Variants in PSMD12 observed in about 807,000 individuals in gnomAD.
PSMD12 encodes the protein proteasome 26S subunit, non-ATPase 12, also known as 26S proteasome non-ATPase regulatory subunit 12.
Under a neutral mutation model 62.9 loss-of-function variants are expected in PSMD12, and 8 were observed. The ratio of observed to expected loss-of-function variants is 0.13; its 90% CI spans 0.07 to 0.23. PSMD12 has a LOEUF of 0.23. Ranked by LOEUF, PSMD12 falls within the 10% of genes least tolerant of loss-of-function variation. PSMD12 has a pLI of 1.00. For synonymous variants in PSMD12, 173 were observed against 187.4 expected (o/e 0.92, Z 0.63); for missense variants, 424 against 550.2 (o/e 0.77, Z 2.29).
chr17:67,351,346 C>T (rs902377719), intron 3 of PSMD12, among the ~76,000 whole-genome samples: 3 of 150,984 alleles, frequency 2.0e-5, no homozygotes, highest in Non-Finnish European at 2.9e-5. Context: ...AAGCCAAGAT[C>T]GCGCCACTGC....
At chr17:67,366,384 C>A in intron 1 of PSMD12, 28 bp downstream of exon 1, 1 of 1,594,390 alleles carries the variant, frequency 6.3e-7, no homozygotes, top group East Asian at 2.3e-5. Context: ...CCCTGGCGCC[C>A]GCCAACAGCC....
intron 1 of PSMD12, among the ~76,000 whole-genome samples, chr17:67,361,904 AAAAAAGGAAG>A (rs1567961742): frequency 5.6e-5 from 5 of 89,590 alleles, no homozygotes; most frequent in Admixed American, 1.2e-4. Flanking sequence ...AAAAAAAAAA[AAAAAAGGAAG>A]GAAGGAAGGG....
intron 1 of PSMD12, 35 bp downstream of exon 1, chr17:67,366,377 T>C (rs1456186494): frequency 1.3e-6 from 2 of 1,584,410 alleles, no homozygotes; most frequent in East Asian, 2.3e-5. Context: ...ACTCAGCCCC[T>C]GGCGCCCGCC....
chr17:67,348,471 G>T, intron 5 of PSMD12, 79 bp downstream of exon 5: 2 of 1,142,572 alleles, frequency 1.8e-6, no homozygotes, highest in Non-Finnish European at 1.3e-6. Context: ...TTTGGATAAG[G>T]GATACTCAAC....
intron 10 of PSMD12, 149 bp downstream of exon 10, chr17:67,342,037 A>G: frequency 1.6e-6 from 1 of 611,974 alleles, no homozygotes; most frequent in Non-Finnish European, 2.9e-6. Context: ...TACTTAAGTT[A>G]GTTTTTGGTA....
At chr17:67,341,586 A>C (rs2041916012) in intron 10 of PSMD12, among the ~76,000 whole-genome samples, 1 of 150,516 alleles carries the variant, frequency 6.6e-6, no homozygotes, top group African/African-American at 2.4e-5. Context: ...GTCAGGGGTG[A>C]GTTTGAATCT....
intron 3 of PSMD12, 100 bp from the exon 4 acceptor site, chr17:67,350,436 A>C: frequency 1.3e-6 from 1 of 774,666 alleles, no homozygotes; most frequent in Non-Finnish European, 1.9e-6. Context: ...TGGTCTTCCC[A>C]AGTAACTCTA....
At chr17:67,353,698 C>G (rs1335382759) in intron 3 of PSMD12, among the ~76,000 whole-genome samples, 1 of 152,176 alleles carries the variant, frequency 6.6e-6, no homozygotes, top group Admixed American at 6.5e-5. Flanking sequence ...AAAGAGGACT[C>G]TGTGGGCCAC....
intron 8 of PSMD12, 69 bp from the exon 9 acceptor site, chr17:67,344,849 G>A: frequency 7.9e-7 from 1 of 1,264,584 alleles, no homozygotes; most frequent in South Asian, 2.1e-5. Context: ...TAATAGCAAA[G>A]TTCAAAAAAT....
At chr17:67,360,066 A>G (rs1220296956) in intron 1 of PSMD12, among the ~76,000 whole-genome samples, 1 of 152,184 alleles carries the variant, frequency 6.6e-6, no homozygotes, top group African/African-American at 2.4e-5. Context: ...AGCTCTCTCC[A>G]CTAGAGTGCA....
intron 1 of PSMD12, among the ~76,000 whole-genome samples, chr17:67,361,636 A>C (rs1213871164): frequency 6.6e-6 from 1 of 152,068 alleles, no homozygotes; most frequent in Non-Finnish European, 1.5e-5. Context: ...TACTCCCCCT[A>C]CATAGTCCAA....
intron 1 of PSMD12, among the ~76,000 whole-genome samples, chr17:67,362,097 G>A (rs183105092): frequency 7.6e-4 from 115 of 152,160 alleles, no homozygotes; most frequent in African/African-American, 2.7e-3. Flanking sequence ...TAAGAGGAAG[G>A]AGAATCAAAG....
In PSMD12 at chr17:67,339,132, GAGTCTC is replaced by G. The variant is rs2041886459; in HGVS notation, c.*1705_*1710del. The G allele has an allele frequency of 2.0e-5, 3 of 151,124 alleles. No homozygotes were observed. Among genetic ancestry groups the G allele is most frequent in the Admixed American group, 2.0e-4 (3 of 15,204 alleles). 9.4% of individuals were successfully genotyped at this position (151,124 alleles called of 1,614,324 possible). A position where few individuals can be genotyped will look rare whatever the true frequency, so the allele number is the denominator to read the frequency against. ...GTTTTGTTTTTTTTTTTTTGAGACG[GAGTCTC>G]ACTCTGTCACCCAGGCTGGAGTGCA... On this transcript the variant is annotated 3_prime_UTR_variant, in exon 11 of 11. Coordinates refer to ENST00000356126, the MANE Select transcript of PSMD12 (RefSeq NM_002816.5).
At chr17:67,363,519 G>A (rs1371891439) in intron 1 of PSMD12, among the ~76,000 whole-genome samples, 1 of 152,118 alleles carries the variant, frequency 6.6e-6, no homozygotes, top group Non-Finnish European at 1.5e-5. Flanking sequence ...GTAGCAAAAA[G>A]AACACTATTC....
At chr17:67,358,585 A>T (rs2042100640) in intron 1 of PSMD12, among the ~76,000 whole-genome samples, 1 of 149,302 alleles carries the variant, frequency 6.7e-6, no homozygotes, top group South Asian at 2.1e-4. Flanking sequence ...AAAAAAAAAA[A>T]AGAAAAGAAA....
intron 10 of PSMD12, among the ~76,000 whole-genome samples, chr17:67,341,715 G>A (rs2143680434): frequency 6.6e-6 from 1 of 152,258 alleles, no homozygotes; most frequent in East Asian, 1.9e-4. Flanking sequence ...TTCCAGAAAT[G>A]CTGGGTTAGA....
chr17:67,358,315 G>T (rs192436026), intron 1 of PSMD12, among the ~76,000 whole-genome samples: 2 of 152,116 alleles, frequency 1.3e-5, no homozygotes, highest in African/African-American at 4.8e-5. Context: ...TGCCTGTAAT[G>T]ACAGCATTTT....
chr17:67,356,738 C>T (rs1220737078), intron 3 of PSMD12, among the ~76,000 whole-genome samples: 1 of 151,996 alleles, frequency 6.6e-6, no homozygotes, highest in Non-Finnish European at 1.5e-5. Context: ...GGGCTAGGCA[C>T]AGGGACTCAT....
chr17:67,344,569 T>G (rs1329791184), intron 9 of PSMD12, 37 bp downstream of exon 9: 2 of 1,463,182 alleles, frequency 1.4e-6, no homozygotes, highest in Non-Finnish European at 1.8e-6. Context: ...CACTAAAGGT[T>G]AAAATAAAAA....
Sources: allele counts gnomAD v4.1 joint callset (sites outside exome capture counted in the v4.1 genomes callset), GRCh38; gene constraint gnomAD v4.1.1; transcripts MANE v1.5; gene names NCBI Gene and HGNC (gene_info 2026-07-23, HGNC 2026-07-21).